Variants in VAV2 observed in about 807,000 individuals in gnomAD.
VAV2 encodes the protein vav guanine nucleotide exchange factor 2.
A neutral mutation model predicts 132.5 loss-of-function variants in VAV2; 67 were observed. The observed-to-expected ratio is 0.51, with a 90% CI of 0.42 to 0.62. VAV2 has a LOEUF of 0.62. Among genes scored for constraint, VAV2 ranks in the 20% least tolerant of loss-of-function variants. VAV2 has a pLI of 0.00. For synonymous variants in VAV2, 492 were observed against 443.5 expected (o/e 1.11, Z -1.37); for missense variants, 938 against 1,153.6 (o/e 0.81, Z 2.71).
Position 133,769,341 on chromosome 9 carries a change from T to G in VAV2, c.2434+76A>C, listed in dbSNP as rs907924718. 6.9e-7 allele frequency: 1 copy of G among 1,454,612 alleles called. No individual in the cohort carries two copies. Among genetic ancestry groups the G allele is most frequent in the Non-Finnish European group, 9.3e-7 (1 of 1,074,448 alleles). 90.1% of individuals were successfully genotyped at this position (1,454,612 alleles called of 1,614,324 possible). ...ACGTCAGGCAGGGCTGTGGGGCCAG[T>G]GGGCAGCTCCGTGCTGGGTCTCCCA... On this transcript the variant is annotated intron_variant, in intron 28 of 29. Coordinates refer to ENST00000371850, the MANE Select transcript of VAV2 (RefSeq NM_001134398.2). This position sits in a 1 kb window ranked among gnomAD's most constrained non-coding sequence, Gnocchi z 8.1.
chr9:133,887,204 C>T (rs1421826489), intron 2 of VAV2, among the ~76,000 whole-genome samples: 3 of 152,196 alleles, frequency 2.0e-5, no homozygotes, highest in Non-Finnish European at 4.4e-5. Flanking sequence ...CTCCACAGCC[C>T]TCAGGGACTC....
chr9:133,814,023 A>G (rs1395364533), intron 4 of VAV2, among the ~76,000 whole-genome samples: 1 of 151,520 alleles, frequency 6.6e-6, no homozygotes, highest in African/African-American at 2.4e-5. Flanking sequence ...CCCGCCCTCC[A>G]CCATGAGAGG....
intron 1 of VAV2, among the ~76,000 whole-genome samples, chr9:133,948,547 G>A (rs926609669): frequency 2.6e-4 from 40 of 151,838 alleles, no homozygotes; most frequent in Non-Finnish European, 5.4e-4. Context: ...CCTCAGGAGT[G>A]GAGCTCCCCC....
chr9:133,796,520 C>T lies in VAV2; in HGVS notation c.941G>A (p.Cys314Tyr). The T allele has an allele frequency of 1.2e-6, 2 of 1,613,252 alleles. No individual in the cohort carries two copies. The highest frequency in any genetic ancestry group is 1.7e-6 in the Non-Finnish European group (2 of 1,179,756). The stretch of plus-strand genomic sequence containing the variant: ...TTTTCCATCCTGGACCTTCAGTGTG[C>T]ACTCCTGGGAGGGCGACAGGGCGAT... ...REDFRQKVEE[C>Y]TLKVQDGKFK... Residue 314 changes from cysteine to tyrosine, a missense_variant, in exon 11 of 30, where the codon TGC (cysteine) becomes TAC (tyrosine). Cys to Tyr is a radical substitution (Grantham distance 194, BLOSUM62 -2). Coordinates refer to ENST00000371850, the MANE Select transcript of VAV2 (RefSeq NM_001134398.2).
chr9:133,837,003 G>A (rs936732852), intron 3 of VAV2, among the ~76,000 whole-genome samples: 12 of 152,202 alleles, frequency 7.9e-5, no homozygotes, highest in Non-Finnish European at 4.4e-5. Flanking sequence ...TGAGCCCGGG[G>A]CAGCGAAGGA....
intron 7 of VAV2, among the ~76,000 whole-genome samples, chr9:133,807,820 G>A (rs113153174): frequency 0.023 from 3,431 of 152,308 alleles, 104 homozygotes; most frequent in African/African-American, 0.077. Flanking sequence ...GGCTGTGGAC[G>A]AGAGTCCTCC....
chr9:133,835,745 G>A (rs1040024059), intron 3 of VAV2, among the ~76,000 whole-genome samples: 1 of 152,190 alleles, frequency 6.6e-6, no homozygotes, highest in Non-Finnish European at 1.5e-5. Context: ...CCCAACCGGA[G>A]GCCGGGGACC....
intron 2 of VAV2, among the ~76,000 whole-genome samples, chr9:133,930,601 G>A (rs1160042449): frequency 6.6e-6 from 1 of 152,272 alleles, no homozygotes; most frequent in Non-Finnish European, 1.5e-5. Flanking sequence ...CGGGGCCCCT[G>A]TCATCAGCAG....
intron 21 of VAV2, 72 bp downstream of exon 21, chr9:133,779,846 T>G: frequency 6.3e-7 from 1 of 1,577,666 alleles, no homozygotes; most frequent in Non-Finnish European, 8.6e-7. Context: ...TCACCACACC[T>G]AGGCCCTGGC....
intron 2 of VAV2, among the ~76,000 whole-genome samples, chr9:133,922,454 T>G (rs1840331239): frequency 6.6e-6 from 1 of 152,236 alleles, no homozygotes; most frequent in Non-Finnish European, 1.5e-5. Context: ...GCTGACCTGG[T>G]CATCTGTGAG....
chr9:133,812,015 G>T, intron 5 of VAV2, 99 bp downstream of exon 5: 2 of 1,254,368 alleles, frequency 1.6e-6, no homozygotes, highest in Non-Finnish European at 2.3e-6. Context: ...CCCTTCGGTG[G>T]CTCAGACATG....
chr9:133,821,763 A>G (rs752667221), intron 4 of VAV2, among the ~76,000 whole-genome samples: 7 of 152,164 alleles, frequency 4.6e-5, no homozygotes, highest in Admixed American at 1.3e-4. Context: ...CCAGTGGTCC[A>G]TGAGGAGGCC....
intron 2 of VAV2, among the ~76,000 whole-genome samples, chr9:133,866,051 C>T (rs2131882998): frequency 6.6e-6 from 1 of 152,294 alleles, no homozygotes; most frequent in South Asian, 2.1e-4. Context: ...GCCTTCCTGG[C>T]TCAGCTCTCT....
rs1390144620 is a variant in VAV2 at position 133,969,901 on chromosome 9, G to A, written c.204+22174C>T. 3.9e-5 allele frequency among the ~76,000 whole-genome samples: 6 copies of A among 152,094 alleles called. No homozygotes were observed. The highest frequency in any genetic ancestry group is 5.9e-5 in the Non-Finnish European group (4 of 67,974). ...GCTTTCCAAAGCCAAATCTGAGCAC[G>A]CCACATCTGCACCAACCCTGCCCAG... On this transcript the variant is annotated intron_variant, in intron 1 of 29. Transcript: ENST00000371850. This position sits in a 1 kb window ranked among gnomAD's most constrained non-coding sequence, Gnocchi z 5.1.
chr9:133,879,728 C>A lies in VAV2; in HGVS notation c.322-18296G>T, dbSNP rs1564430273. 6.6e-6 allele frequency among the ~76,000 whole-genome samples: 1 copy of A among 152,132 alleles called. No individual in the cohort carries two copies. The highest frequency in any genetic ancestry group is 6.5e-5 in the Admixed American group (1 of 15,276). ...TCCAAAGCAGAACCTATCCGAGAAT[C>A]CCTACCGCCTTGCGAGCTGCAAGTC... On this transcript the variant is annotated intron_variant, in intron 2 of 29. Coordinates refer to ENST00000371850, the MANE Select transcript of VAV2 (RefSeq NM_001134398.2). This position sits in a 1 kb window ranked among gnomAD's most constrained non-coding sequence, Gnocchi z 4.4.
At chr9:133,815,273 C>T (rs537346947) in intron 4 of VAV2, among the ~76,000 whole-genome samples, 21 of 152,152 alleles carry the variant, frequency 1.4e-4, no homozygotes, top group African/African-American at 5.1e-4. Flanking sequence ...GTGTAGCACC[C>T]GCTGCGTCTG....
In VAV2 at chr9:133,807,294, G is replaced by A; in HGVS notation, c.699C>T (p.Ser233=). 1.2e-6 allele frequency: 2 copies of A among 1,611,172 alleles called. No homozygotes were observed. The highest frequency in any genetic ancestry group is 1.7e-6 in the Non-Finnish European group (2 of 1,179,326). Residue 233 remains serine, a synonymous_variant, in exon 8 of 30, where the codon AGC becomes AGT. Transcript: ENST00000371850. ...NYMSPLRLVL[S]PADMAAVFIN... ...TGAAGACAGCTGCCATGTCCGCCGG[G>A]CTCAGCACCAGCCGCAGGGGGCTCA...
In VAV2 at chr9:133,804,220, C is replaced by T. The variant is rs919632077; in HGVS notation, c.836+1861G>A. 1.3e-5 allele frequency among the ~76,000 whole-genome samples: 2 copies of T among 152,202 alleles called. No homozygotes were observed. Among genetic ancestry groups the T allele is most frequent in the African/African-American group, 2.4e-5 (1 of 41,466 alleles). ...AAATGAGAGGAAAGGGGCAAAAAAG[C>T]TGGATGCTGGGACAGAACCACGATG... On this transcript the variant is annotated intron_variant, in intron 9 of 29. Coordinates refer to ENST00000371850, the MANE Select transcript of VAV2 (RefSeq NM_001134398.2). The surrounding 1 kb of genome is among the most constrained non-coding windows in gnomAD (Gnocchi z 4.5).
intron 19 of VAV2, among the ~76,000 whole-genome samples, chr9:133,781,660 C>T (rs1314619126): frequency 1.3e-5 from 2 of 152,236 alleles, no homozygotes; most frequent in African/African-American, 4.8e-5. Flanking sequence ...GTCAAAGGAG[C>T]ACTTTCCAGA....
Sources: gnomAD v4.1 joint callset for allele counts (sites outside exome capture counted in the v4.1 genomes callset) on GRCh38, gnomAD v4.1.1 for gene constraint, Gnocchi (gnomAD v3.1) non-coding constraint, MANE v1.5 for transcripts, NCBI Gene and HGNC (gene_info 2026-07-23, HGNC 2026-07-21) for gene names.